Variants in COL4A5 observed in about 807,000 individuals in gnomAD.
COL4A5 encodes the protein collagen type IV alpha 5 chain, also known as collagen alpha-5(IV) chain.
A neutral mutation model predicts 130.2 loss-of-function variants in COL4A5; 26 were observed. The observed-to-expected ratio is 0.20, with a 90% CI of 0.15 to 0.28. The LOEUF is 0.28. COL4A5 is among the 10% of genes least tolerant of loss of function. The pLI, the probability that COL4A5 is intolerant of heterozygous loss-of-function variation, is 1.00. For synonymous variants in COL4A5, 496 were observed against 439.6 expected, an observed-to-expected ratio of 1.13 and a Z score of -1.60; for missense variants, 1,131 against 1,344.3, an observed-to-expected ratio of 0.84 and a Z score of 2.48.
At chrX:108,610,001 A>G (rs1157154822) in intron 29 of COL4A5, among the ~76,000 whole-genome samples, 1 of 108,520 alleles carries the variant, frequency 9.2e-6, no homozygotes, top group Non-Finnish European at 1.9e-5. Context: ...CTTTGGCTAT[A>G]TTAGGTCCTT....
At chrX:108,459,631 G>A (rs1335351372) in intron 1 of COL4A5, among the ~76,000 whole-genome samples, 1 of 112,188 alleles carries the variant, frequency 8.9e-6, no homozygotes, top group Non-Finnish European at 1.9e-5. Context: ...CTCTCTGCCT[G>A]CATATTTAAA....
intron 47 of COL4A5, among the ~76,000 whole-genome samples, chrX:108,685,791 C>T (rs996643598): frequency 3.6e-5 from 4 of 112,391 alleles, no homozygotes; most frequent in Non-Finnish European, 7.5e-5. Context: ...TTGTCTGATT[C>T]TGAAGACAAA....
chrX:108,560,246 G>C (rs2065881177), intron 3 of COL4A5, among the ~76,000 whole-genome samples: 1 of 111,986 alleles, frequency 8.9e-6, no homozygotes, highest in Non-Finnish European at 1.9e-5. Context: ...CTTGATCTAC[G>C]TTAGAGAGCC....
intron 1 of COL4A5, among the ~76,000 whole-genome samples, chrX:108,531,923 A>G (rs776987041): frequency 9.5e-4 from 106 of 111,672 alleles, no homozygotes; most frequent in Admixed American, 2.1e-3. Flanking sequence ...AATAATGAGT[A>G]GTGAGATTGA....
At chrX:108,588,183 G>A (rs776922149) in intron 19 of COL4A5, among the ~76,000 whole-genome samples, 15 of 110,913 alleles carry the variant, frequency 1.4e-4, no homozygotes, top group African/African-American at 4.6e-4. Flanking sequence ...AGTGATTTCC[G>A]TAAGATTTCT....
intron 1 of COL4A5, among the ~76,000 whole-genome samples, chrX:108,468,759 G>A (rs1266117885): frequency 1.8e-5 from 2 of 109,563 alleles, no homozygotes; most frequent in African/African-American, 3.3e-5. Flanking sequence ...GATGTGGTTT[G>A]CTAGCATCTG....
chrX:108,510,478 T>G (rs780175300), intron 1 of COL4A5, among the ~76,000 whole-genome samples: 2 of 110,628 alleles, frequency 1.8e-5, no homozygotes, highest in South Asian at 7.9e-4. Flanking sequence ...CCACCAAGAA[T>G]TGTGCTTTTT....
intron 1 of COL4A5, among the ~76,000 whole-genome samples, chrX:108,524,667 T>A (rs755729157): frequency 9.0e-6 from 1 of 111,517 alleles, no homozygotes; most frequent in South Asian, 3.9e-4. Flanking sequence ...TTTAAATGAG[T>A]CCCATATGTT....
intron 1 of COL4A5, among the ~76,000 whole-genome samples, chrX:108,538,606 G>C (rs2065488434): frequency 1.8e-5 from 2 of 111,530 alleles, no homozygotes; most frequent in African/African-American, 6.5e-5. Context: ...ATCATGGAAT[G>C]TTGAGCAGCA....
intron 1 of COL4A5, among the ~76,000 whole-genome samples, chrX:108,450,869 C>T (rs905842059): frequency 3.7e-5 from 4 of 109,046 alleles, no homozygotes; most frequent in African/African-American, 1.3e-4. Context: ...TATTATTATA[C>T]TTTAAGTTTT....
chrX:108,690,896 G>C (rs767207743), intron 49 of COL4A5, among the ~76,000 whole-genome samples: 9 of 111,793 alleles, frequency 8.1e-5, no homozygotes, highest in African/African-American at 2.9e-4. Flanking sequence ...CAATAGCAAA[G>C]ATATGGAATC....
At chrX:108,457,067 G>A (rs1358749378) in intron 1 of COL4A5, among the ~76,000 whole-genome samples, 1 of 111,641 alleles carries the variant, frequency 9.0e-6, no homozygotes, top group South Asian at 3.8e-4. Flanking sequence ...TTTGGGGGAG[G>A]AAGAAGGAAA....
chrX:108,465,639 C>T (rs1203073375), intron 1 of COL4A5, among the ~76,000 whole-genome samples: 1 of 111,392 alleles, frequency 9.0e-6, no homozygotes, highest in African/African-American at 3.3e-5. Context: ...ATCTTTATTG[C>T]CCTTTGCATT....
At chrX:108,542,643 A>T (rs1423683014) in intron 2 of COL4A5, among the ~76,000 whole-genome samples, 3 of 105,984 alleles carry the variant, frequency 2.8e-5, no homozygotes, top group Non-Finnish European at 5.6e-5. Context: ...TGGCTGGGTC[A>T]AATGGTATTT....
chrX:108,682,092 G>A (rs953536312), intron 47 of COL4A5, among the ~76,000 whole-genome samples: 1 of 110,734 alleles, frequency 9.0e-6, no homozygotes, highest in Non-Finnish European at 1.9e-5. Context: ...GGTGTGTGAT[G>A]GGCCCCTCCC....
intron 2 of COL4A5, among the ~76,000 whole-genome samples, chrX:108,545,205 T>C (rs1464151834): frequency 8.9e-6 from 1 of 111,746 alleles, no homozygotes; most frequent in East Asian, 2.8e-4. Flanking sequence ...GATGTTAGGG[T>C]GTCAATTTTA....
At chrX:108,492,243 ATTG>A (rs1332020152) in intron 1 of COL4A5, among the ~76,000 whole-genome samples, 2 of 111,733 alleles carry the variant, frequency 1.8e-5, no homozygotes, top group Non-Finnish European at 3.8e-5. Flanking sequence ...CTGGGAATTT[ATTG>A]TTGTTGTTGT....
chrX:108,651,698 G>C (rs1473712001), intron 36 of COL4A5, among the ~76,000 whole-genome samples: 2 of 111,708 alleles, frequency 1.8e-5, no homozygotes, highest in Non-Finnish European at 3.8e-5. Flanking sequence ...ATCTTGCATG[G>C]TAAAGGGTAG....
intron 1 of COL4A5, among the ~76,000 whole-genome samples, chrX:108,520,668 C>T (rs1260719548): frequency 9.0e-6 from 1 of 111,595 alleles, no homozygotes; most frequent in East Asian, 2.8e-4. Flanking sequence ...ATACTAGCTT[C>T]TTTTGGTTAT....
Sources: allele counts gnomAD v4.1 joint callset (sites outside exome capture counted in the v4.1 genomes callset), GRCh38; gene constraint gnomAD v4.1.1; transcripts MANE v1.5; gene names NCBI Gene and HGNC (gene_info 2026-07-23, HGNC 2026-07-21).